ST18: variants seen among roughly 807,000 people sequenced by gnomAD.
ST18 encodes ST18 C2H2C-type zinc finger transcription factor, also known as suppression of tumorigenicity 18 protein.
In ST18, 50 loss-of-function variants were observed where a neutral mutation model predicts 110.0. The observed-to-expected ratio is 0.45, with a 90% confidence interval of 0.36 to 0.58. The LOEUF (loss-of-function observed/expected upper bound fraction) is 0.58, where lower values mean the gene tolerates loss of function less well. ST18 is among the 20% of genes least tolerant of loss of function. The pLI is 0.00. For missense variants in ST18, 1,306 were observed against 1,280.1 expected (o/e 1.02, Z -0.31); for synonymous variants, 461 against 452.4 (o/e 1.02, Z -0.24).
At chr8:52,236,553 G>C (rs1294172524) in intron 2 of ST18, among the ~76,000 whole-genome samples, 1 of 150,380 alleles carries the variant, frequency 6.6e-6, no homozygotes, top group Non-Finnish European at 1.5e-5. Flanking sequence ...GGAGGTTGCA[G>C]TGAGCCAAGA....
chr8:52,281,813 T>C (rs2095382813), intron 2 of ST18, among the ~76,000 whole-genome samples: 1 of 152,182 alleles, frequency 6.6e-6, no homozygotes, highest in African/African-American at 2.4e-5. Context: ...AAACATCATA[T>C]GTTTTCCCTC....
At chr8:52,327,989 T>A (rs1047838934) in intron 2 of ST18, among the ~76,000 whole-genome samples, 2 of 152,212 alleles carry the variant, frequency 1.3e-5, no homozygotes, top group Non-Finnish European at 2.9e-5. Flanking sequence ...TGTGCTGATA[T>A]CCCATCTGGA....
At chr8:52,293,797 T>C (rs761815069) in intron 2 of ST18, among the ~76,000 whole-genome samples, 20 of 152,216 alleles carry the variant, frequency 1.3e-4, no homozygotes, top group Non-Finnish European at 2.2e-4. Context: ...ATAAATAATA[T>C]ATCATTTTTG....
At chr8:52,238,118 T>C (rs1329481860) in intron 2 of ST18, among the ~76,000 whole-genome samples, 2 of 152,190 alleles carry the variant, frequency 1.3e-5, no homozygotes, top group Admixed American at 6.5e-5. Flanking sequence ...CTAGTAGAAA[T>C]GTAAAATGTT....
intron 5 of ST18, among the ~76,000 whole-genome samples, chr8:52,219,390 A>C (rs1455871311): frequency 6.6e-6 from 1 of 152,250 alleles, no homozygotes; most frequent in African/African-American, 2.4e-5. Context: ...ACTTAAAAAA[A>C]ACTAAACTCT....
chr8:52,343,961 A>T (rs1816450731), intron 2 of ST18, among the ~76,000 whole-genome samples: 2 of 152,232 alleles, frequency 1.3e-5, no homozygotes, highest in South Asian at 4.1e-4. Flanking sequence ...ATTTTCAAGC[A>T]GCAAAAAATT....
chr8:52,229,104 T>C (rs1364988701), intron 3 of ST18, among the ~76,000 whole-genome samples: 3 of 152,194 alleles, frequency 2.0e-5, no homozygotes, highest in Non-Finnish European at 4.4e-5. Context: ...AGTCTTAGCC[T>C]CTCAAGAACA....
intron 2 of ST18, among the ~76,000 whole-genome samples, chr8:52,271,208 G>A (rs1472030392): frequency 6.6e-5 from 10 of 151,980 alleles, no homozygotes; most frequent in African/African-American, 9.7e-5. Context: ...TAATTATCTC[G>A]AAAAAGATTT....
At chr8:52,133,385 G>T in intron 19 of ST18, 84 bp from the exon 20 acceptor site, 2 of 1,482,510 alleles carry the variant, frequency 1.3e-6, no homozygotes, top group Non-Finnish European at 1.9e-6. Flanking sequence ...AGGTTCTTCA[G>T]TAATCACATT....
At chr8:52,162,480 C>G (rs565298580) in intron 13 of ST18, among the ~76,000 whole-genome samples, 2 of 152,288 alleles carry the variant, frequency 1.3e-5, no homozygotes, top group African/African-American at 2.4e-5. Context: ...GGGCTTTTCA[C>G]CTTTTTTCCC....
intron 2 of ST18, among the ~76,000 whole-genome samples, chr8:52,329,706 G>C (rs1808259000): frequency 6.6e-6 from 1 of 152,110 alleles, no homozygotes; most frequent in Non-Finnish European, 1.5e-5. Flanking sequence ...AGTGAGCCAA[G>C]ATTGCACCAC....
At chr8:52,166,728 T>A in intron 11 of ST18, 124 bp downstream of exon 11, 1 of 1,288,450 alleles carries the variant, frequency 7.8e-7, no homozygotes, top group Non-Finnish European at 1.0e-6. Context: ...CTAGATGGAA[T>A]TGGCTTGACA....
At chr8:52,141,680 G>T (rs1207964766) in intron 17 of ST18, among the ~76,000 whole-genome samples, 2 of 152,148 alleles carry the variant, frequency 1.3e-5, no homozygotes, top group Non-Finnish European at 2.9e-5. Context: ...AGGAGAGGAT[G>T]TGGGCCCTGC....
intron 15 of ST18, among the ~76,000 whole-genome samples, chr8:52,158,230 T>C (rs2060503294): frequency 1.3e-5 from 2 of 152,182 alleles, no homozygotes; most frequent in South Asian, 4.1e-4. Flanking sequence ...GGAGAGGGTA[T>C]TGGAGAAATG....
rs551891199 is a variant in ST18, at chr8:52,257,816, T to C, written c.-464-27739A>G. On this transcript the variant is annotated intron_variant, in intron 2 of 25. Transcript: ENST00000689386. ...AAGTCCAATTTATATGTTTCTTTAA[T>C]TATTTGTGCTTTGGTGTCATAGCTA... Among the ~76,000 whole-genome samples the C allele has an allele frequency of 1.4e-3, 215 of 149,382 alleles. 1 individual carries two copies. The highest frequency in any genetic ancestry group is 2.8e-3 in the Non-Finnish European group (183 of 65,856).
chr8:52,189,017 A>G (rs182141816), intron 8 of ST18, among the ~76,000 whole-genome samples: 14 of 152,290 alleles, frequency 9.2e-5, no homozygotes, highest in Admixed American at 9.2e-4. Flanking sequence ...TGATTGACAC[A>G]CTAAGAAATA....
intron 2 of ST18, among the ~76,000 whole-genome samples, chr8:52,358,215 G>T (rs543138846): frequency 6.6e-6 from 1 of 151,926 alleles, no homozygotes; most frequent in East Asian, 1.9e-4. Flanking sequence ...CATGCTAGGA[G>T]GGAAATTTAT....
intron 2 of ST18, among the ~76,000 whole-genome samples, chr8:52,357,681 ATATATATATATATATATAT>A (rs1564568052): frequency 0.051 from 970 of 19,028 alleles, 38 homozygotes; most frequent in African/African-American, 0.19. Flanking sequence ...CTATAAATAT[ATATATATATATATATATAT>A]ATATATATAT....
Position 52,158,877 on chromosome 8 carries a change from C to T in ST18, c.1806+21G>A, listed in dbSNP as rs200984056. The T allele has an allele frequency of 3.0e-4, 488 of 1,613,730 alleles. 2 individuals are homozygous for T. The African/African-American group carries it at 3.5e-3, about 12-fold the overall frequency. On this transcript the variant is annotated intron_variant, in intron 15 of 25. Coordinates refer to ENST00000689386, the MANE Select transcript of ST18 (RefSeq NM_001352837.2). ...ACAGTTCAGTCGCTGGCCCACCCTC[C>T]GGGCTCTTGGACTGGCCTACCTTGG...
Sources: gnomAD v4.1 joint callset for allele counts (sites outside exome capture counted in the v4.1 genomes callset) on GRCh38, gnomAD v4.1.1 for gene constraint, MANE v1.5 for transcripts, NCBI Gene and HGNC (gene_info 2026-07-23, HGNC 2026-07-21) for gene names.